Variants in ETV6 observed in about 807,000 individuals in gnomAD.
The protein encoded by ETV6 is ETS variant transcription factor 6.
In ETV6, 16 loss-of-function variants were observed where a neutral mutation model predicts 51.1. The observed-to-expected ratio is 0.31, with a 90% CI of 0.21 to 0.48. ETV6 has a LOEUF of 0.48. ETV6 is among the 20% of genes least tolerant of loss of function. ETV6 has a pLI of 0.99. For missense variants in ETV6, 458 were observed against 594.8 expected (o/e 0.77, Z 2.39); for synonymous variants, 240 against 224.1 (o/e 1.07, Z -0.64).
At chr12:11,659,538 C>T (rs1864061044) in intron 1 of ETV6, among the ~76,000 whole-genome samples, 1 of 152,168 alleles carries the variant, frequency 6.6e-6, no homozygotes, top group Non-Finnish European at 1.5e-5. Flanking sequence ...TGGGTTATGA[C>T]AGGCCGTGTA....
chr12:11,689,970 A>G (rs205536), intron 1 of ETV6, among the ~76,000 whole-genome samples: 58,856 of 151,708 alleles, frequency 0.39, 14,104 homozygotes, highest in Non-Finnish European at 0.52. Context: ...ACAGATTCAC[A>G]AGGGTGTTCG....
intron 2 of ETV6, among the ~76,000 whole-genome samples, chr12:11,814,372 A>G (rs538869465): frequency 4.3e-4 from 66 of 152,282 alleles, no homozygotes; most frequent in African/African-American, 1.5e-3. Context: ...TTTTTTTTCA[A>G]TACTTTGGGT....
intron 2 of ETV6, among the ~76,000 whole-genome samples, chr12:11,765,139 G>T (rs1293008865): frequency 1.3e-5 from 2 of 152,196 alleles, no homozygotes; most frequent in East Asian, 1.9e-4. Flanking sequence ...CTACCCCACA[G>T]AAAACATCTA....
At chr12:11,877,515 A>G (rs766621361) in intron 5 of ETV6, among the ~76,000 whole-genome samples, 39 of 152,212 alleles carry the variant, frequency 2.6e-4, no homozygotes, top group Admixed American at 1.0e-3. Flanking sequence ...CAGGAAAGAA[A>G]AGATAGGGTT....
intron 3 of ETV6, among the ~76,000 whole-genome samples, 159 bp from the exon 4 acceptor site, chr12:11,853,268 C>T (rs1172375604): frequency 6.6e-6 from 1 of 152,238 alleles, no homozygotes; most frequent in Non-Finnish European, 1.5e-5. Context: ...GTTTCAAGTG[C>T]TGCATTCTGT....
chr12:11,849,244 G>A (rs943999899), intron 3 of ETV6, among the ~76,000 whole-genome samples: 16 of 151,972 alleles, frequency 1.1e-4, no homozygotes, highest in South Asian at 4.2e-4. Context: ...CCGAGTAGCC[G>A]GGACAATGGG....
chr12:11,768,020 A>AT (rs561309375), intron 2 of ETV6, among the ~76,000 whole-genome samples: 65 of 152,152 alleles, frequency 4.3e-4, no homozygotes, highest in African/African-American at 1.5e-3. Context: ...AACACTCAGG[A>AT]TATTTCCAAA....
At chr12:11,759,149 A>G (rs1272263346) in intron 2 of ETV6, among the ~76,000 whole-genome samples, 1 of 143,720 alleles carries the variant, frequency 7.0e-6, no homozygotes, top group African/African-American at 2.5e-5. Flanking sequence ...AAATGCAGCT[A>G]TTTATAGATG....
intron 1 of ETV6, among the ~76,000 whole-genome samples, chr12:11,736,051 T>C (rs889856503): frequency 6.6e-6 from 1 of 152,234 alleles, no homozygotes; most frequent in Non-Finnish European, 1.5e-5. Flanking sequence ...TGACAATAAA[T>C]GATAGTTTCT....
At chr12:11,885,410 C>G (rs1020818180) in intron 6 of ETV6, among the ~76,000 whole-genome samples, 2 of 152,218 alleles carry the variant, frequency 1.3e-5, no homozygotes, top group African/African-American at 4.8e-5. Context: ...CCCACTGTAC[C>G]ATTGCCTCGG....
intron 2 of ETV6, among the ~76,000 whole-genome samples, chr12:11,824,445 A>C (rs537143814): frequency 3.3e-5 from 5 of 152,330 alleles, no homozygotes; most frequent in Admixed American, 3.3e-4. Flanking sequence ...AGCTTTCAGG[A>C]TAGCTGTGGA....
intron 3 of ETV6, among the ~76,000 whole-genome samples, chr12:11,844,863 C>T (rs555654009): frequency 2.2e-3 from 331 of 151,282 alleles, no homozygotes; most frequent in Non-Finnish European, 3.5e-3. Context: ...GATGGATTCT[C>T]GCTCTGTCGC....
At chr12:11,846,816 C>T (rs187203725) in intron 3 of ETV6, among the ~76,000 whole-genome samples, 97 of 152,250 alleles carry the variant, frequency 6.4e-4, no homozygotes, top group Non-Finnish European at 1.1e-3. Flanking sequence ...CAGGATTTTA[C>T]ATGTTTGTTT....
rs11552161 is a variant in ETV6, at chr12:11,893,016, C to T, written c.*1970C>T. 25,575 of 232,700 alleles carry T rather than the reference C, an allele frequency of 0.11. 1,536 individuals are homozygous for T. Among genetic ancestry groups the T allele is most frequent in the Admixed American group, 0.18 (3,151 of 17,742 alleles). 14.4% of individuals were successfully genotyped at this position (232,700 alleles called of 1,614,324 possible). On this transcript the variant is annotated 3_prime_UTR_variant, in exon 8 of 8. Transcript: ENST00000396373. ...ATTCAACCTTCCGGGAGGTCAGGGA[C>T]CTTCTATATGAGGCGAGTGGGTCTC...
At chr12:11,811,894 TTTA>T in intron 2 of ETV6, among the ~76,000 whole-genome samples, 1 of 152,258 alleles carries the variant, frequency 6.6e-6, no homozygotes, top group African/African-American at 2.4e-5. Flanking sequence ...GTCCTGCTAT[TTTA>T]TGACACCTAG....
At chr12:11,880,520 T>C (rs1279207366) in intron 5 of ETV6, among the ~76,000 whole-genome samples, 1 of 152,188 alleles carries the variant, frequency 6.6e-6, no homozygotes, top group Non-Finnish European at 1.5e-5. Flanking sequence ...GGAGAAATGG[T>C]CTGGTTCACG....
chr12:11,695,045 G>A (rs764553378), intron 1 of ETV6, among the ~76,000 whole-genome samples: 23 of 152,172 alleles, frequency 1.5e-4, no homozygotes, highest in Non-Finnish European at 3.1e-4. Flanking sequence ...AAAGGATACC[G>A]AAGACAGGCC....
chr12:11,770,197 C>T (rs1238632089), intron 2 of ETV6, among the ~76,000 whole-genome samples: 1 of 152,092 alleles, frequency 6.6e-6, no homozygotes, highest in Non-Finnish European at 1.5e-5. Context: ...GCCTCGTTGG[C>T]CTTGAGAGCC....
intron 1 of ETV6, among the ~76,000 whole-genome samples, chr12:11,740,498 C>A (rs1351113416): frequency 1.3e-5 from 2 of 152,214 alleles, no homozygotes; most frequent in Non-Finnish European, 2.9e-5. Flanking sequence ...AGAATTACTA[C>A]CCACTCTAGT....
Sources: gnomAD v4.1 joint callset for allele counts (sites outside exome capture counted in the v4.1 genomes callset) on GRCh38, gnomAD v4.1.1 for gene constraint, MANE v1.5 for transcripts, NCBI Gene and HGNC (gene_info 2026-07-23, HGNC 2026-07-21) for gene names.